Variants in SWT1 observed in about 807,000 individuals in gnomAD.
The protein encoded by SWT1 is SWT1 RNA endoribonuclease homolog.
A neutral mutation model predicts 107.3 loss-of-function variants in SWT1; 33 were observed. That is an observed-to-expected ratio of 0.31 (90% CI 0.23 to 0.41). The LOEUF (loss-of-function observed/expected upper bound fraction) is 0.41. Among genes scored for constraint, SWT1 ranks in the 10% least tolerant of loss-of-function variants. The pLI, the probability that SWT1 is intolerant of heterozygous loss-of-function variation, is 1.00. For synonymous variants in SWT1, 345 were observed against 348.3 expected (o/e 0.99, Z 0.11); for missense variants, 898 against 1,028.9 (o/e 0.87, Z 1.74).
At position 185,207,309 on chromosome 1, in the gene SWT1, A is replaced by G. The variant is rs970359868; in HGVS notation, c.1972+546A>G. On this transcript the variant is annotated intron_variant, in intron 13 of 18. Transcript: ENST00000367500. ...TTAGTTGTTTTTTAAACTATATTGA[A>G]CAGAACTTTTGGCTTCTTGAAGTGC... is the stretch of plus-strand genomic sequence containing the variant. Among the ~76,000 whole-genome samples, 4 of 152,186 alleles carry G rather than the reference A, an allele frequency of 2.6e-5. No individual in the cohort carries two copies. In the South Asian group the frequency reaches 8.3e-4, roughly 31 times the overall value.
At chr1:185,252,730 G>C (rs1662138249) in intron 16 of SWT1, among the ~76,000 whole-genome samples, 1 of 152,122 alleles carries the variant, frequency 6.6e-6, no homozygotes, top group Admixed American at 6.5e-5. Flanking sequence ...CATTTTGTAG[G>C]TTGCCTGTTC....
intron 16 of SWT1, among the ~76,000 whole-genome samples, chr1:185,253,264 A>G (rs12029149): frequency 0.4 from 55,983 of 140,236 alleles, 10,371 homozygotes; most frequent in African/African-American, 0.62. Flanking sequence ...TTGGCAATGC[A>G]GGCTCTTTTT....
In SWT1 at chr1:185,277,188, G is replaced by A. The variant is rs1006820348; in HGVS notation, c.2573+520G>A. On this transcript the variant is annotated intron_variant, in intron 18 of 18. Coordinates refer to ENST00000367500, the MANE Select transcript of SWT1 (RefSeq NM_017673.7). ...GTTTTGATAAGCATGGCCGGATTGCGGGAAAAGTACTGTTCACTTTTGTGA... is the reference window on the plus strand; with the variant it reads ...GTTTTGATAAGCATGGCCGGATTGCAGGAAAAGTACTGTTCACTTTTGTGA... Among the ~76,000 whole-genome samples, 7 of 152,160 alleles carry A rather than the reference G, an allele frequency of 4.6e-5. No homozygotes were observed. The East Asian group carries it at 1.3e-3, about 29-fold the overall frequency.
intron 16 of SWT1, among the ~76,000 whole-genome samples, chr1:185,242,228 A>G (rs2102612197): frequency 6.6e-6 from 1 of 152,296 alleles, no homozygotes; most frequent in Non-Finnish European, 1.5e-5. Flanking sequence ...TAATGTGTAT[A>G]TCAAATTTTA....
At chr1:185,220,449 G>A (rs1445200959) in intron 14 of SWT1, among the ~76,000 whole-genome samples, 2 of 151,852 alleles carry the variant, frequency 1.3e-5, no homozygotes, top group African/African-American at 4.8e-5. Flanking sequence ...TTTCTTTCCT[G>A]AAACCTGACT....
At chr1:185,252,605 C>A (rs1662128110) in intron 16 of SWT1, among the ~76,000 whole-genome samples, 1 of 151,902 alleles carries the variant, frequency 6.6e-6, no homozygotes, top group Non-Finnish European at 1.5e-5. Context: ...TGTTCATGTC[C>A]TTCGCCCACT....
intron 4 of SWT1, among the ~76,000 whole-genome samples, chr1:185,169,011 A>T (rs2102321570): frequency 6.6e-6 from 1 of 152,320 alleles, no homozygotes; most frequent in East Asian, 1.9e-4. Context: ...TTTCTCCAAA[A>T]ATAAGAAGTT....
chr1:185,233,576 G>A (rs1380064394), intron 16 of SWT1, among the ~76,000 whole-genome samples: 1 of 152,102 alleles, frequency 6.6e-6, no homozygotes, highest in Non-Finnish European at 1.5e-5. Context: ...TAGTCATTCA[G>A]GAGCAGGTTG....
chr1:185,207,728 T>C (rs1658451020), intron 13 of SWT1, among the ~76,000 whole-genome samples: 1 of 151,824 alleles, frequency 6.6e-6, no homozygotes, highest in South Asian at 2.1e-4. Flanking sequence ...ATGGTAAAAC[T>C]CCCTTTCTAA....
chr1:185,191,061 A>T (rs1249777446), intron 10 of SWT1, among the ~76,000 whole-genome samples: 1 of 152,148 alleles, frequency 6.6e-6, no homozygotes, highest in Non-Finnish European at 1.5e-5. Flanking sequence ...GTCCTGATCT[A>T]TCATTTATCA....
chr1:185,266,639 T>G (rs1363744210), intron 16 of SWT1: 1 of 152,068 alleles, frequency 6.6e-6, no homozygotes, highest in African/African-American at 2.4e-5. Context: ...GGGAAAATTT[T>G]TTTTTAAACC....
chr1:185,195,790 GTCT>G (rs778186178), intron 10 of SWT1, among the ~76,000 whole-genome samples: 3 of 152,158 alleles, frequency 2.0e-5, no homozygotes, highest in Non-Finnish European at 4.4e-5. Context: ...ACACATAAAT[GTCT>G]TCTTTTAAGA....
intron 10 of SWT1, among the ~76,000 whole-genome samples, chr1:185,196,764 ACT>A (rs1657426538): frequency 6.6e-6 from 1 of 152,076 alleles, no homozygotes; most frequent in Admixed American, 6.5e-5. Context: ...ATGGGAGTTC[ACT>A]CATGATTTGG....
chr1:185,256,314 C>G (rs1662511344), intron 16 of SWT1, among the ~76,000 whole-genome samples: 2 of 149,430 alleles, frequency 1.3e-5, no homozygotes, highest in African/African-American at 4.9e-5. Flanking sequence ...TTTCCTGAAT[C>G]TGAATGTTGG....
chr1:185,223,619 T>C (rs1659839352), intron 15 of SWT1, among the ~76,000 whole-genome samples: 1 of 152,202 alleles, frequency 6.6e-6, no homozygotes, highest in South Asian at 2.1e-4. Context: ...AATGTCTTCC[T>C]TTGAAAAATT....
chr1:185,177,464 C>A lies in SWT1; in HGVS notation c.966+2351C>A, dbSNP rs1655663549. 2.0e-5 allele frequency among the ~76,000 whole-genome samples: 3 copies of A among 152,166 alleles called. No individual in the cohort carries two copies. In the South Asian group the frequency reaches 6.2e-4, roughly 31 times the overall value. On this transcript the variant is annotated intron_variant, in intron 5 of 18. Transcript: ENST00000367500. ...CACTTTCCAGTTATTGGAATTTAGA[C>A]TCTTTATAAACTGTTCTCAGATAGC...
chr1:185,174,984 G>A lies in SWT1; in HGVS notation c.837G>A (p.Val279=). The A allele has an allele frequency of 6.2e-7, 1 of 1,613,896 alleles. No homozygotes were observed. Among genetic ancestry groups the A allele is most frequent in the Non-Finnish European group, 8.5e-7 (1 of 1,179,978 alleles). Residue 279 remains valine (V), a synonymous_variant, in exon 5 of 19, where the codon GTG becomes GTA. Coordinates refer to ENST00000367500, the MANE Select transcript of SWT1 (RefSeq NM_017673.7). ...AAAGCTCCCAGGTTTCATTAAATGT[G>A]ACTAGGCAGAAAACTGAACATTTAC... is the stretch of plus-strand genomic sequence containing the variant. ...YLESSQVSLN[V]TRQKTEHLLS...
intron 16 of SWT1, among the ~76,000 whole-genome samples, chr1:185,257,484 T>A (rs1452601692): frequency 6.6e-6 from 1 of 152,064 alleles, no homozygotes; most frequent in Admixed American, 6.6e-5. Context: ...AATCTCGTGG[T>A]GCGCCGTTTT....
intron 16 of SWT1, among the ~76,000 whole-genome samples, chr1:185,262,117 TAGTG>T (rs1470318503): frequency 6.6e-6 from 1 of 152,184 alleles, no homozygotes; most frequent in East Asian, 1.9e-4. Context: ...AGATACCTGA[TAGTG>T]AGGTAAGATT....
Sources: allele counts gnomAD v4.1 joint callset (sites outside exome capture counted in the v4.1 genomes callset), GRCh38; gene constraint gnomAD v4.1.1; transcripts MANE v1.5; gene names NCBI Gene and HGNC (gene_info 2026-07-23, HGNC 2026-07-21).